The following SMC5 variants were observed in gnomAD, a reference collection of about 807,000 sequenced individuals.
SMC5 encodes the protein structural maintenance of chromosomes 5, also known as structural maintenance of chromosomes protein 5.
Under a neutral mutation model 148.3 loss-of-function variants are expected in SMC5, and 88 were observed. The observed-to-expected ratio is 0.59, with a 90% CI of 0.50 to 0.71. The LOEUF (loss-of-function observed/expected upper bound fraction) is 0.71, where lower values mean the gene tolerates loss of function less well. Ranked by LOEUF, SMC5 falls within the 30% of genes least tolerant of loss-of-function variation. The pLI, the probability that SMC5 is intolerant of heterozygous loss-of-function variation, is 0.00. For synonymous variants in SMC5, 421 were observed against 432.8 expected, an observed-to-expected ratio of 0.97 and a Z score of 0.34; for missense variants, 1,142 against 1,298.9, an observed-to-expected ratio of 0.88 and a Z score of 1.86.
intron 8 of SMC5, among the ~76,000 whole-genome samples, chr9:70,289,237 C>T (rs917823899): frequency 6.6e-6 from 1 of 152,048 alleles, no homozygotes; most frequent in African/African-American, 2.4e-5. Flanking sequence ...AGAGTTTCAC[C>T]ACGTTGGCCA....
chr9:70,277,230 C>A, intron 3 of SMC5, 80 bp from the exon 4 acceptor site: 3 of 1,060,744 alleles, frequency 2.8e-6, no homozygotes, highest in Non-Finnish European at 3.7e-6. Flanking sequence ...ACCTTTTGTG[C>A]AAGAGAATTT....
At chr9:70,351,387 A>G (rs748210097) in intron 24 of SMC5, among the ~76,000 whole-genome samples, 1 of 151,678 alleles carries the variant, frequency 6.6e-6, no homozygotes, top group African/African-American at 2.4e-5. Context: ...TGCCCATCCT[A>G]CATTCAAATT....
chr9:70,319,430 AT>A, intron 15 of SMC5, among the ~76,000 whole-genome samples: 1 of 152,216 alleles, frequency 6.6e-6, no homozygotes, highest in African/African-American at 2.4e-5. Flanking sequence ...GGCGTTTTAC[AT>A]TTTTGCAGAT....
At chr9:70,267,402 C>G (rs1407939230) in intron 2 of SMC5, among the ~76,000 whole-genome samples, 4 of 151,994 alleles carry the variant, frequency 2.6e-5, no homozygotes, top group Non-Finnish European at 5.9e-5. Context: ...TTATATTGCT[C>G]CTTTTAGAAC....
intron 17 of SMC5, among the ~76,000 whole-genome samples, chr9:70,339,016 A>C (rs1221032226): frequency 1.3e-5 from 2 of 152,182 alleles, no homozygotes; most frequent in Non-Finnish European, 2.9e-5. Context: ...AAAATTTTTT[A>C]ATGCTTTTCA....
intron 11 of SMC5, among the ~76,000 whole-genome samples, chr9:70,307,585 C>T (rs113228699): frequency 0.077 from 11,713 of 152,030 alleles, 511 homozygotes; most frequent in African/African-American, 0.13. Context: ...TCACTGCAAC[C>T]TCCGCTTCCC....
At chr9:70,307,328 C>T (rs1231242520) in intron 11 of SMC5, among the ~76,000 whole-genome samples, 1 of 152,068 alleles carries the variant, frequency 6.6e-6, no homozygotes, top group African/African-American at 2.4e-5. Context: ...TATTCTGTTC[C>T]TCATGAAACC....
chr9:70,285,715 T>C (rs576683800), intron 7 of SMC5, among the ~76,000 whole-genome samples: 1 of 152,344 alleles, frequency 6.6e-6, no homozygotes, highest in South Asian at 2.1e-4. Context: ...TAGGTGTTAA[T>C]GATGTGTAAT....
intron 11 of SMC5, among the ~76,000 whole-genome samples, chr9:70,308,506 A>AATGAC (rs745681001): frequency 2.0e-5 from 3 of 148,294 alleles, no homozygotes; most frequent in East Asian, 4.1e-4. Context: ...GAGGCAGGAG[A>AATGAC]ATGACATGAA....
rs2034795326 is a variant in SMC5, at chr9:70,283,072, GCTTCT to G, written c.981+490_981+494del. The stretch of plus-strand genomic sequence containing the variant: ...TTATTTGAGAATTGTTTAAATTCCT[GCTTCT>G]AAAATAACGCAGTATAGGCAGATCC... On this transcript the variant is annotated intron_variant, in intron 7 of 24. Coordinates refer to ENST00000361138, the MANE Select transcript of SMC5 (RefSeq NM_015110.4). Among the ~76,000 whole-genome samples, 3 of 152,174 alleles carry G rather than the reference GCTTCT, an allele frequency of 2.0e-5. No individual in the cohort carries two copies. In the South Asian group the frequency reaches 6.2e-4, roughly 32 times the overall value.
At chr9:70,263,962 G>A (rs949829049) in intron 1 of SMC5, among the ~76,000 whole-genome samples, 6 of 152,156 alleles carry the variant, frequency 3.9e-5, no homozygotes, top group South Asian at 4.1e-4. Context: ...AAGCCGTGGC[G>A]TCTCCTATAA....
chr9:70,274,901 T>C (rs758064444), intron 3 of SMC5, among the ~76,000 whole-genome samples: 8 of 152,018 alleles, frequency 5.3e-5, no homozygotes, highest in Non-Finnish European at 8.8e-5. Context: ...TTAAAACTCC[T>C]CAAAACATTA....
At chr9:70,338,115 A>G (rs2036413366) in intron 17 of SMC5, among the ~76,000 whole-genome samples, 1 of 152,094 alleles carries the variant, frequency 6.6e-6, no homozygotes, top group Non-Finnish European at 1.5e-5. Flanking sequence ...TCCTGGGCTC[A>G]AGCAATCCTC....
At chr9:70,323,689 GTTTT>G in intron 16 of SMC5, 83 bp downstream of exon 16, 1 of 1,049,882 alleles carries the variant, frequency 9.5e-7, no homozygotes, top group Non-Finnish European at 1.3e-6. Context: ...GGGAGGGAAG[GTTTT>G]GATTAAGGTT....
At chr9:70,331,505 G>A (rs1587703184) in intron 17 of SMC5, among the ~76,000 whole-genome samples, 1 of 149,568 alleles carries the variant, frequency 6.7e-6, no homozygotes, top group Non-Finnish European at 1.5e-5. Context: ...ATGGTTATGG[G>A]TTTTTTTTTT....
At chr9:70,299,987 T>G (rs905743366) in intron 9 of SMC5, 59 bp from the exon 10 acceptor site, 4 of 1,455,402 alleles carry the variant, frequency 2.7e-6, no homozygotes, top group Non-Finnish European at 3.7e-6. Flanking sequence ...TATTATTAGA[T>G]TATTTCACTA....
chr9:70,325,652 A>G (rs1486092708), intron 17 of SMC5, among the ~76,000 whole-genome samples: 12 of 152,190 alleles, frequency 7.9e-5, no homozygotes, highest in Admixed American at 7.9e-4. Flanking sequence ...TAAAATATAT[A>G]TTCTATAGTT....
chr9:70,337,995 A>G (rs1388222657), intron 17 of SMC5, among the ~76,000 whole-genome samples: 1 of 152,082 alleles, frequency 6.6e-6, no homozygotes, highest in Non-Finnish European at 1.5e-5. Context: ...ATAGTGCATA[A>G]TTTCTCAACA....
At chr9:70,284,788 A>G (rs1564030438) in intron 7 of SMC5, among the ~76,000 whole-genome samples, 1 of 152,206 alleles carries the variant, frequency 6.6e-6, no homozygotes, top group African/African-American at 2.4e-5. Flanking sequence ...ATTAGCACCC[A>G]TAGCCTTGCA....
Sources: gnomAD v4.1 joint callset for allele counts (sites outside exome capture counted in the v4.1 genomes callset) on GRCh38, gnomAD v4.1.1 for gene constraint, MANE v1.5 for transcripts, NCBI Gene and HGNC (gene_info 2026-07-23, HGNC 2026-07-21) for gene names.